The following DRC5 variants were observed in gnomAD, a reference collection of about 807,000 sequenced individuals.
The protein encoded by DRC5 is T-complex-associated testis-expressed protein 1.
chr6:44,291,508 C>A, the DRC5 span, among the ~76,000 whole-genome samples: 1 of 152,218 alleles, frequency 6.6e-6, no homozygotes, highest in African/African-American at 2.4e-5. Flanking sequence ...CTGACCCCTG[C>A]CCTTGGGGGA....
chr6:44,282,671 G>T, the DRC5 span: 2 of 857,388 alleles, frequency 2.3e-6, no homozygotes, highest in East Asian at 2.6e-5. Context: ...GCTGGGTCTT[G>T]GAGGGGGCCA....
At chr6:44,282,137 G>C in the DRC5 span, 1 of 1,614,034 alleles carries the variant, frequency 6.2e-7, no homozygotes, top group Non-Finnish European at 8.5e-7. Context: ...AGGACAGGTT[G>C]ATGCTGGTGA....
At chr6:44,295,967 T>C in the DRC5 span, among the ~76,000 whole-genome samples, 1 of 152,256 alleles carries the variant, frequency 6.6e-6, no homozygotes, top group Non-Finnish European at 1.5e-5. Context: ...GTGTGTTAGA[T>C]ATTGTAGTGA....
At chr6:44,293,461 A>T in the DRC5 span, among the ~76,000 whole-genome samples, 1 of 151,942 alleles carries the variant, frequency 6.6e-6, no homozygotes, top group African/African-American at 2.4e-5. Flanking sequence ...AAATAAAAAA[A>T]ATCTTCTCAT....
the DRC5 span, among the ~76,000 whole-genome samples, chr6:44,283,152 A>G: frequency 6.6e-6 from 1 of 152,164 alleles, no homozygotes; most frequent in African/African-American, 2.4e-5. Flanking sequence ...CTCGATGAAG[A>G]AGAGAAAGTT....
the DRC5 span, chr6:44,286,576 G>T: frequency 6.5e-7 from 1 of 1,542,286 alleles, no homozygotes; most frequent in Non-Finnish European, 8.8e-7. Context: ...CAGTGTTGGG[G>T]GACACCTCAA....
the DRC5 span, among the ~76,000 whole-genome samples, chr6:44,285,071 A>C: frequency 6.6e-6 from 1 of 152,072 alleles, no homozygotes; most frequent in African/African-American, 2.4e-5. Context: ...TTTCTCTTTG[A>C]GCTGGCCATG....
At chr6:44,282,477 T>G in the DRC5 span, 1 of 1,611,592 alleles carries the variant, frequency 6.2e-7, no homozygotes, top group Non-Finnish European at 8.5e-7. Flanking sequence ...GTCCAGCTCC[T>G]CGAGGACTGG....
chr6:44,285,771 C>T, the DRC5 span, among the ~76,000 whole-genome samples: 1 of 152,136 alleles, frequency 6.6e-6, no homozygotes, highest in Non-Finnish European at 1.5e-5. Context: ...AACTGGTGAA[C>T]TGGGAGAGCA....
chr6:44,282,889 A>G, the DRC5 span, among the ~76,000 whole-genome samples: 2 of 134,584 alleles, frequency 1.5e-5, no homozygotes, highest in African/African-American at 5.7e-5. Flanking sequence ...TGCAAGGTCC[A>G]CCTTCCGGAT....
At chr6:44,297,213 G>A in the DRC5 span, among the ~76,000 whole-genome samples, 3 of 152,214 alleles carry the variant, frequency 2.0e-5, no homozygotes, top group African/African-American at 7.2e-5. Context: ...GCAGTGGGAG[G>A]TAGGGAGATG....
chr6:44,287,913 A>G, the DRC5 span: 252 of 1,492,252 alleles, frequency 1.7e-4, 1 homozygote, highest in Admixed American at 5.5e-3. Context: ...TGAAACAGGT[A>G]GGGATCTGGA....
chr6:44,284,763 A>G, the DRC5 span, among the ~76,000 whole-genome samples: 1 of 150,886 alleles, frequency 6.6e-6, no homozygotes, highest in Non-Finnish European at 1.5e-5. Flanking sequence ...GACTCTCTCC[A>G]CTCCTTTGAG....
At chr6:44,281,473 C>T in the DRC5 span, among the ~76,000 whole-genome samples, 1 of 152,214 alleles carries the variant, frequency 6.6e-6, no homozygotes, top group South Asian at 2.1e-4. Context: ...CAATCTCCGC[C>T]TCCTGGGTTC....
At chr6:44,284,985 T>C in the DRC5 span, among the ~76,000 whole-genome samples, 2 of 152,222 alleles carry the variant, frequency 1.3e-5, no homozygotes, top group South Asian at 2.1e-4. Flanking sequence ...AGGATAAAGA[T>C]AGCCTCCTGG....
the DRC5 span, chr6:44,286,265 G>A: frequency 2.5e-6 from 4 of 1,612,714 alleles, no homozygotes; most frequent in East Asian, 2.2e-5. Flanking sequence ...CCGGCAGAGC[G>A]GCAGCAGGTC....
the DRC5 span, among the ~76,000 whole-genome samples, chr6:44,291,278 A>G: frequency 6.6e-6 from 1 of 152,244 alleles, no homozygotes; most frequent in Non-Finnish European, 1.5e-5. Flanking sequence ...TTAAAAATGG[A>G]TATCACAAAA....
the DRC5 span, among the ~76,000 whole-genome samples, chr6:44,285,130 G>T: frequency 1.3e-5 from 2 of 152,112 alleles, no homozygotes; most frequent in Non-Finnish European, 2.9e-5. Context: ...TGTCTGGAAC[G>T]CTCCTCCCTC....
chr6:44,295,250 C>T, the DRC5 span, among the ~76,000 whole-genome samples: 2 of 152,190 alleles, frequency 1.3e-5, no homozygotes, highest in Non-Finnish European at 2.9e-5. Flanking sequence ...TCTTGTGCCA[C>T]CACCTGGTGT....
Sources: gnomAD v4.1 joint callset for allele counts (sites outside exome capture counted in the v4.1 genomes callset) on GRCh38, gnomAD v4.1.1 for gene constraint, MANE v1.5 for transcripts, NCBI Gene and HGNC (gene_info 2026-07-23, HGNC 2026-07-21) for gene names.